Variants in PDE1A observed in about 807,000 individuals in gnomAD.
The protein encoded by PDE1A is phosphodiesterase 1A.
In PDE1A, 35 loss-of-function variants were observed where a neutral mutation model predicts 61.7. That is an observed-to-expected ratio of 0.57 (90% CI 0.43 to 0.75). PDE1A has a LOEUF of 0.75. PDE1A is among the 30% of genes least tolerant of loss of function. PDE1A has a pLI of 0.00. For missense variants in PDE1A, 597 were observed against 630.6 expected (o/e 0.95, Z 0.57); for synonymous variants, 232 against 213.2 (o/e 1.09, Z -0.77).
chr2:182,226,718 A>C (rs1029383419), intron 6 of PDE1A, among the ~76,000 whole-genome samples: 1 of 149,834 alleles, frequency 6.7e-6, no homozygotes, highest in Non-Finnish European at 1.5e-5. Context: ...TCTGATTCCT[A>C]ATAGGCAGAA....
chr2:182,635,043 T>C, the PDE1A span, among the ~76,000 whole-genome samples: 1 of 152,084 alleles, frequency 6.6e-6, no homozygotes, highest in African/African-American at 2.4e-5. Flanking sequence ...AATAAATCAA[T>C]TGGATACCGC....
chr2:182,568,619 C>G, the PDE1A span, among the ~76,000 whole-genome samples: 1 of 151,492 alleles, frequency 6.6e-6, no homozygotes, highest in African/African-American at 2.4e-5. Context: ...GAGCCGAGAT[C>G]ACACCACTGC....
the PDE1A span, among the ~76,000 whole-genome samples, chr2:182,690,770 T>C: frequency 6.6e-6 from 1 of 152,172 alleles, no homozygotes; most frequent in Non-Finnish European, 1.5e-5. Flanking sequence ...TGATTGTATA[T>C]CTAGAAAAAC....
At chr2:182,384,639 A>T (rs1700926056) in intron 1 of PDE1A, among the ~76,000 whole-genome samples, 1 of 151,958 alleles carries the variant, frequency 6.6e-6, no homozygotes, top group South Asian at 2.1e-4. Flanking sequence ...AAAAAATAAT[A>T]AAAAGAAATC....
At chr2:182,595,453 G>C in the PDE1A span, among the ~76,000 whole-genome samples, 1 of 152,050 alleles carries the variant, frequency 6.6e-6, no homozygotes, top group Non-Finnish European at 1.5e-5. Context: ...TTAAAATCCA[G>C]AATTAACATT....
intron 2 of PDE1A, among the ~76,000 whole-genome samples, chr2:182,473,349 A>G (rs964251955): frequency 6.6e-6 from 1 of 151,886 alleles, no homozygotes; most frequent in Non-Finnish European, 1.5e-5. Flanking sequence ...GCAACCTACA[A>G]AATGGGAGAA....
chr2:182,519,835 C>G (rs559418327), intron 2 of PDE1A, among the ~76,000 whole-genome samples: 12 of 151,882 alleles, frequency 7.9e-5, no homozygotes, highest in African/African-American at 2.9e-4. Flanking sequence ...ACCTTTGTCT[C>G]TATTTTTATT....
intron 13 of PDE1A, among the ~76,000 whole-genome samples, chr2:182,179,634 C>T (rs1417170213): frequency 6.6e-6 from 1 of 151,742 alleles, no homozygotes; most frequent in Non-Finnish European, 1.5e-5. Context: ...AGGTTTTCTA[C>T]CTCTCTCCTT....
the PDE1A span, among the ~76,000 whole-genome samples, chr2:182,660,087 G>A: frequency 6.6e-6 from 1 of 152,298 alleles, no homozygotes; most frequent in Admixed American, 6.5e-5. Flanking sequence ...AACATCAGCT[G>A]TAAACCAGTG....
chr2:182,242,926 C>CTCGTGTGTGTGTGTGTGTGTGTGT (rs1553550717), intron 2 of PDE1A, among the ~76,000 whole-genome samples: 2 of 31,782 alleles, frequency 6.3e-5, no homozygotes, highest in Non-Finnish European at 6.2e-5. Flanking sequence ...CTCTCTCTCT[C>CTCGTGTGTGTGTGTGTGTGTGTGT]GTGTGTGTAT....
At chr2:182,273,618 CT>C (rs2078005930) in intron 1 of PDE1A, among the ~76,000 whole-genome samples, 1 of 152,030 alleles carries the variant, frequency 6.6e-6, no homozygotes, top group Non-Finnish European at 1.5e-5. Flanking sequence ...ATGAAACAAA[CT>C]ATGATGGCTG....
the PDE1A span, among the ~76,000 whole-genome samples, chr2:182,646,141 G>T: frequency 6.6e-6 from 1 of 152,030 alleles, no homozygotes; most frequent in Admixed American, 6.6e-5. Context: ...GGTTGGATTG[G>T]TCATGGCTAA....
intron 1 of PDE1A, among the ~76,000 whole-genome samples, chr2:182,314,110 A>G (rs1448026308): frequency 6.6e-6 from 1 of 152,262 alleles, no homozygotes; most frequent in Non-Finnish European, 1.5e-5. Context: ...TTTATTCTTA[A>G]TAGCCAGACT....
At chr2:182,598,328 T>C in the PDE1A span, among the ~76,000 whole-genome samples, 3 of 152,140 alleles carry the variant, frequency 2.0e-5, no homozygotes, top group South Asian at 2.1e-4. Flanking sequence ...TTCCAGCATA[T>C]TGGGAGGCCG....
At chr2:182,360,031 T>C (rs1699409921) in intron 1 of PDE1A, among the ~76,000 whole-genome samples, 1 of 152,100 alleles carries the variant, frequency 6.6e-6, no homozygotes, top group Non-Finnish European at 1.5e-5. Flanking sequence ...AGCATTCCTC[T>C]TTCTCCCAAT....
intron 2 of PDE1A, among the ~76,000 whole-genome samples, chr2:182,475,065 C>T (rs755979403): frequency 5.9e-5 from 9 of 151,840 alleles, no homozygotes; most frequent in Non-Finnish European, 1.0e-4. Flanking sequence ...CTTTAGATAG[C>T]TTTTTCTCTC....
chr2:182,473,448 C>T (rs1687161088), intron 2 of PDE1A, among the ~76,000 whole-genome samples: 1 of 151,738 alleles, frequency 6.6e-6, no homozygotes, highest in South Asian at 2.1e-4. Context: ...AACAAACAAC[C>T]CCATCAAAAA....
At chr2:182,326,014 A>T (rs1295683769) in intron 1 of PDE1A, among the ~76,000 whole-genome samples, 1 of 152,196 alleles carries the variant, frequency 6.6e-6, no homozygotes, top group African/African-American at 2.4e-5. Context: ...ATAAATGGCA[A>T]ATGAACATAT....
At chr2:182,637,864 G>A in the PDE1A span, among the ~76,000 whole-genome samples, 1 of 152,166 alleles carries the variant, frequency 6.6e-6, no homozygotes, top group South Asian at 2.1e-4. Flanking sequence ...AGAGGTTGCA[G>A]TGAGTCAAGA....
Sources: gnomAD v4.1 joint callset for allele counts (sites outside exome capture counted in the v4.1 genomes callset) on GRCh38, gnomAD v4.1.1 for gene constraint, MANE v1.5 for transcripts, NCBI Gene and HGNC (gene_info 2026-07-23, HGNC 2026-07-21) for gene names.